MUC4: variants seen among roughly 807,000 people sequenced by gnomAD.
The protein encoded by MUC4 is mucin-4.
MUC4 carries 202 observed loss-of-function variants against 257.9 expected under a neutral mutation model. That is an observed-to-expected ratio of 0.78 (90% CI 0.70 to 0.88). MUC4 has a LOEUF of 0.88. Ranked by LOEUF, MUC4 falls within the 40% of genes least tolerant of loss-of-function variation. The pLI is 0.00. For missense variants in MUC4, 5,976 were observed against 6,513.7 expected, an observed-to-expected ratio of 0.92 and a Z score of 2.84; for synonymous variants, 2,351 against 2,757.1, an observed-to-expected ratio of 0.85 and a Z score of 4.62.
In MUC4 at chr3:195,754,244, T is replaced by G. The variant is rs1309824592; in HGVS notation, c.15297A>C (p.Pro5099=). ...VPGKGCEACP[P]NLTGDGRHCA... ...AGTGCCGCCCATCCCCAGTCAGGTTTGGAGGGCAGGCCTCGCAGCCCTTCC... is the reference window on the plus strand; with the variant it reads ...AGTGCCGCCCATCCCCAGTCAGGTTGGGAGGGCAGGCCTCGCAGCCCTTCC... Residue 5099 remains proline, a synonymous_variant, in exon 19 of 25, where the codon CCA becomes CCC. Transcript: ENST00000463781. 1.9e-6 allele frequency: 3 copies of G among 1,613,748 alleles called. No homozygotes were observed. Among genetic ancestry groups the G allele is most frequent in the East Asian group, 4.5e-5 (2 of 44,876 alleles).
rs143935340 is a variant in MUC4 at position 195,747,289 on chromosome 3, C to A, written c.16126G>T (p.Ala5376Ser). ...LDAFFGIFFG[A>S]LGGLLLLGVG... is the part of the protein sequence containing the mutation. Reference sequence around the variant, plus strand: ...CCCAGCAGCAAGAGGCCGCCCAGGGCCCCAAAGAAGATGCCGAAGAACGCG... The same window carrying A: ...CCCAGCAGCAAGAGGCCGCCCAGGGACCCAAAGAAGATGCCGAAGAACGCG... Residue 5376 changes from alanine (A) to serine (S), a missense_variant, in exon 25 of 25, where the codon GCC (alanine) becomes TCC (serine). Physicochemically the swap from Ala to Ser is moderately conservative, Grantham distance 99. Transcript: ENST00000463781. The A allele has an allele frequency of 1.6e-3, 2,505 of 1,613,888 alleles. No homozygotes were observed. Among genetic ancestry groups the A allele is most frequent in the Non-Finnish European group, 2.0e-3 (2,343 of 1,179,714 alleles).
rs1356097173 is a variant in MUC4 at position 195,785,104 on chromosome 3, G to A, written c.6476C>T (p.Thr2159Ile). The A allele has an allele frequency of 8.9e-6, 13 of 1,466,084 alleles. No individual in the cohort carries two copies. Among genetic ancestry groups the A allele is most frequent in the Non-Finnish European group, 9.1e-7 (1 of 1,097,190 alleles). 90.8% of individuals were successfully genotyped at this position (1,466,084 alleles called of 1,614,324 possible). The change falls in exon 2 of 25, where the codon ACC (threonine) becomes ATC (isoleucine). Residue 2159 changes from threonine (T) to isoleucine (I), a missense_variant. Coordinates refer to ENST00000463781, the MANE Select transcript of MUC4 (RefSeq NM_018406.7). ...GGAAGTGTCGGTGACAGGAAGAGAG[G>A]TGGCGTGACCTGTGGATACTGAGGA... ...ETSSVSTGHATSLPVTDTSSA... is the reference protein window; with the variant it reads ...ETSSVSTGHAISLPVTDTSSA...
rs1727637571 is a variant in MUC4 at position 195,781,169 on chromosome 3, TGG to T, written c.10409_10410del (p.Thr3470AsnfsTer31). On this transcript the variant is annotated frameshift_variant, in exon 2 of 25. Coordinates refer to ENST00000463781, the MANE Select transcript of MUC4 (RefSeq NM_018406.7). LOFTEE classifies it high-confidence loss of function. The stretch of plus-strand genomic sequence containing the variant: ...GAAGGGCTGGTGACAGGAAGAGGGG[TGG>T]TGTCACCTGTGGATGCTGAGGAAGT... ...TDTSSASTGD[T>X]TPLPVTSPSS... is the part of the protein sequence containing the mutation. 1 of 1,488,602 alleles carries T rather than the reference TGG, an allele frequency of 6.7e-7. No homozygotes were observed. Among genetic ancestry groups the T allele is most frequent in the South Asian group, 1.3e-5 (1 of 75,878 alleles). 92.2% of individuals were successfully genotyped at this position (1,488,602 alleles called of 1,614,324 possible). A position where few individuals can be genotyped will look rare whatever the true frequency, so the allele number is the denominator to read the frequency against.
chr3:195,759,083 A>C, intron 17 of MUC4, 41 bp downstream of exon 17: 1 of 1,608,682 alleles, frequency 6.2e-7, no homozygotes. Context: ...CTCATCCCCT[A>C]CCCACCTCCC....
intron 11 of MUC4, 70 bp downstream of exon 11, chr3:195,763,971 AGATG>A (rs34858176): frequency 0.46 from 701,653 of 1,536,502 alleles, 165,932 homozygotes; most frequent in East Asian, 0.73. Context: ...CTCCTTATCC[AGATG>A]CCACCTCCCG....
In MUC4 at chr3:195,783,181, G is replaced by T. The variant is rs775698740; in HGVS notation, c.8399C>A (p.Pro2800His). Residue 2800 changes from proline (P) to histidine (H), a missense_variant, in exon 2 of 25, where the codon CCT (proline) becomes CAT (histidine). Transcript: ENST00000463781. The part of the protein sequence containing the change: ...PSSASTGHTT[P>H]LPVTDASSVS... ...TGACGAAGCGTCGGTGACAGGAAGA[G>T]GGGTGGTGTGACCTGTGGATGCTGA... The T allele has an allele frequency of 2.7e-6, 4 of 1,465,794 alleles. No homozygotes were observed. Among genetic ancestry groups the T allele is most frequent in the Non-Finnish European group, 3.7e-6 (4 of 1,076,348 alleles). The allele number at this position is 1,465,794 out of a possible 1,614,324, so 90.8% of individuals were successfully genotyped here. A position where few individuals can be genotyped will look rare whatever the true frequency, so the allele number is the denominator to read the frequency against.
chr3:195,763,074 C>A, intron 12 of MUC4, 129 bp from the exon 13 acceptor site: 2 of 779,114 alleles, frequency 2.6e-6, no homozygotes, highest in South Asian at 1.6e-5. Context: ...GAGGCCGCGG[C>A]CTGAGGTGAT....
chr3:195,767,585 TCAC>T (rs1257823008), intron 7 of MUC4, among the ~76,000 whole-genome samples: 22 of 58,772 alleles, frequency 3.7e-4, no homozygotes, highest in African/African-American at 6.5e-4. Flanking sequence ...ACCACCACCA[TCAC>T]CACCACCACC....
intron 8 of MUC4, among the ~76,000 whole-genome samples, chr3:195,766,059 C>G (rs540375555): frequency 1.3e-5 from 2 of 152,246 alleles, no homozygotes; most frequent in South Asian, 4.2e-4. Context: ...CTCCCAGGTT[C>G]AAACAATTCT....
rs1030513159 is a variant in MUC4 at position 195,757,798 on chromosome 3, T to G, written c.14987-470A>C. On this transcript the variant is annotated intron_variant, in intron 17 of 24. Coordinates refer to ENST00000463781, the MANE Select transcript of MUC4 (RefSeq NM_018406.7). This position sits in a 1 kb window ranked among gnomAD's most constrained non-coding sequence, Gnocchi z 4.8. Reference sequence around the variant, plus strand: ...CAGACACCCCCTTCAGACACCAGACTGTAGTGAAACACTACTACATATCTT... The same window carrying G: ...CAGACACCCCCTTCAGACACCAGACGGTAGTGAAACACTACTACATATCTT... 2.6e-5 allele frequency among the ~76,000 whole-genome samples: 4 copies of G among 152,176 alleles called. No individual in the cohort carries two copies. Among genetic ancestry groups the G allele is most frequent in the African/African-American group, 9.7e-5 (4 of 41,432 alleles).
intron 8 of MUC4, among the ~76,000 whole-genome samples, 183 bp downstream of exon 8, chr3:195,766,480 C>T (rs1235226650): frequency 2.6e-5 from 4 of 152,062 alleles, no homozygotes; most frequent in Admixed American, 2.6e-4. Context: ...GCAGGAGGTG[C>T]CAGCTGCTCC....
chr3:195,749,437 T>G (rs1243247262), intron 23 of MUC4, among the ~76,000 whole-genome samples: 1 of 152,142 alleles, frequency 6.6e-6, no homozygotes, highest in African/African-American at 2.4e-5. Context: ...TGCTAGTGAC[T>G]AGATGTGTAA....
Position 195,785,547 on chromosome 3 carries a change from T to C in MUC4, c.6033A>G (p.Thr2011=), listed in dbSNP as rs1189812598. 2 of 1,516,590 alleles carry C rather than the reference T, an allele frequency of 1.3e-6. No individual in the cohort carries two copies. Among genetic ancestry groups the C allele is most frequent in the Non-Finnish European group, 1.8e-6 (2 of 1,129,700 alleles). 93.9% of individuals were successfully genotyped at this position (1,516,590 alleles called of 1,614,324 possible). ...LPVTDTSSVS[T]GQATPLPVTS... ...TGACAGGAAGAGGGGTGGCCTGTCC[T>C]GTAGATACTGAGGAAGTGTCGGTGA... Residue 2011 remains threonine (T), a synonymous_variant, in exon 2 of 25, where the codon ACA becomes ACG. Coordinates refer to ENST00000463781, the MANE Select transcript of MUC4 (RefSeq NM_018406.7).
At chr3:195,799,261 G>GTGTGTGTGTGAGAC (rs1553889796) in intron 1 of MUC4, among the ~76,000 whole-genome samples, 1 of 47,652 alleles carries the variant, frequency 2.1e-5, no homozygotes, top group Non-Finnish European at 5.8e-5. Flanking sequence ...GTGTGTGTGT[G>GTGTGTGTGTGAGAC]ACACTGTGTG....
intron 10 of MUC4, 45 bp downstream of exon 10, chr3:195,764,952 C>T (rs369498102): frequency 1.2e-6 from 2 of 1,601,730 alleles, no homozygotes; most frequent in African/African-American, 2.7e-5. Context: ...CTGAGGGTCC[C>T]CTACTTGGCC....
At chr3:195,764,761 G>A (rs1720054389) in intron 10 of MUC4, among the ~76,000 whole-genome samples, 1 of 152,164 alleles carries the variant, frequency 6.6e-6, no homozygotes. Context: ...TGGAGAAATG[G>A]CCCCACTCTG....
At position 195,788,855 on chromosome 3, in the gene MUC4, G is replaced by T. The variant is rs55697302; in HGVS notation, c.2725C>A (p.Gln909Lys). The change falls in exon 2 of 25, where the codon CAG becomes AAG. Residue 909 changes from glutamine (Q) to lysine (K), a missense_variant. Transcript: ENST00000463781. Reference sequence around the variant, plus strand: ...CTGCTGGTTCTTGTCCTCTGAGTCTGGGCCATCCGGGAAATGGCGGCTGTC... The same window carrying T: ...CTGCTGGTTCTTGTCCTCTGAGTCTTGGCCATCCGGGAAATGGCGGCTGTC... Reference protein sequence around the residue: ...QETAAISRMAQTQRTRTSRGS... With the variant: ...QETAAISRMAKTQRTRTSRGS... 6.2e-7 allele frequency: 1 copy of T among 1,613,754 alleles called. No individual in the cohort carries two copies.
In MUC4 at chr3:195,782,064, G is replaced by T. The variant is rs1326354164; in HGVS notation, c.9516C>A (p.Thr3172=). Residue 3172 remains threonine, a synonymous_variant, in exon 2 of 25, where the codon ACC becomes ACA. Coordinates refer to ENST00000463781, the MANE Select transcript of MUC4 (RefSeq NM_018406.7). ...STGQATPLPV[T]SLSSVSTGDT... ...CACCTGTGGATACTGAGGAAAGGCT[G>T]GTGACAGGAAGAGGGGTGGCCTGAC... is the stretch of plus-strand genomic sequence containing the variant. The T allele has an allele frequency of 4.2e-6, 6 of 1,415,062 alleles. No homozygotes were observed. The highest frequency in any genetic ancestry group is 4.7e-6 in the Non-Finnish European group (5 of 1,067,396). The allele number at this position is 1,415,062 out of a possible 1,614,324, so 87.7% of individuals were successfully genotyped here.
At position 195,783,283 on chromosome 3, in the gene MUC4, G is replaced by GTGTCACCTGTGGATGCTGAGGAAGTGT. The variant is rs1729311225; in HGVS notation, c.8296_8297insACACTTCCTCAGCATCCACAGGTGACA (p.Ala2766delinsAspThrSerSerAlaSerThrGlyAspThr). 1 of 1,505,272 alleles carries GTGTCACCTGTGGATGCTGAGGAAGTGT rather than the reference G, an allele frequency of 6.6e-7. No homozygotes were observed. Among genetic ancestry groups the GTGTCACCTGTGGATGCTGAGGAAGTGT allele is most frequent in the African/African-American group, 1.4e-5 (1 of 69,368 alleles). 93.2% of individuals were successfully genotyped at this position (1,505,272 alleles called of 1,614,324 possible). A position where few individuals can be genotyped will look rare whatever the true frequency, so the allele number is the denominator to read the frequency against. ...AGTGTTGGTGACAGGAAGAGGGGTG[G>GTGTCACCTGTGGATGCTGAGGAAGTGT]CGTGACCTGTGGATGCTGAGGAAGT... On this transcript the variant is annotated protein_altering_variant, in exon 2 of 25. Coordinates refer to ENST00000463781, the MANE Select transcript of MUC4 (RefSeq NM_018406.7).
Sources: gnomAD v4.1 joint callset for allele counts (sites outside exome capture counted in the v4.1 genomes callset) on GRCh38, gnomAD v4.1.1 for gene constraint, Gnocchi (gnomAD v3.1) non-coding constraint, MANE v1.5 for transcripts, NCBI Gene and HGNC (gene_info 2026-07-23, HGNC 2026-07-21) for gene names.